The following S1PR3 variants were observed in gnomAD, a reference collection of about 807,000 sequenced individuals.
S1PR3 encodes sphingosine-1-phosphate receptor 3.
A neutral mutation model predicts 13.3 loss-of-function variants in S1PR3; 12 were observed. The ratio of observed to expected loss-of-function variants is 0.90; its 90% CI spans 0.58 to 1.46. The LOEUF (loss-of-function observed/expected upper bound fraction) is 1.46. Among genes scored for constraint, S1PR3 ranks in the 40% most tolerant of loss-of-function variants. The pLI is 0.00. For synonymous variants in S1PR3, 232 were observed against 214.0 expected, an observed-to-expected ratio of 1.08 and a Z score of -0.73; for missense variants, 450 against 501.9, an observed-to-expected ratio of 0.90 and a Z score of 0.99.
chr9:89,001,394 G>C lies in S1PR3; in HGVS notation c.194G>C (p.Trp65Ser). 6.2e-7 allele frequency: 1 copy of C among 1,614,190 alleles called. No homozygotes were observed. The highest frequency in any genetic ancestry group is 8.5e-7 in the Non-Finnish European group (1 of 1,180,042). ...AACCTGATGGTTTTGATTGCCATCT[G>C]GAAAAACAATAAATTTCACAACCGC... ...LENLMVLIAI[W>S]KNNKFHNRMY... is the part of the protein sequence containing the mutation. The change falls in exon 2 of 2, where the codon TGG (tryptophan) becomes TCG (serine). Residue 65 changes from tryptophan (W) to serine (S), a missense_variant. Coordinates refer to ENST00000358157, the MANE Select transcript of S1PR3 (RefSeq NM_005226.4).
Position 88,991,867 on chromosome 9 carries a change from A to T in S1PR3, c.-148+172A>T, listed in dbSNP as rs571834525. Reference sequence around the variant, plus strand: ...CCTCCCCCAGAGCCGCTGCAGGAACAGGGAGGAGGCCTTTTCCACCGCACC... The same window carrying T: ...CCTCCCCCAGAGCCGCTGCAGGAACTGGGAGGAGGCCTTTTCCACCGCACC... On this transcript the variant is annotated intron_variant, in intron 1 of 1. Transcript: ENST00000358157. The surrounding 1 kb of genome is among the most constrained non-coding windows in gnomAD (Gnocchi z 4.0). The T allele has an allele frequency of 6.2e-7, 1 of 1,614,122 alleles. No homozygotes were observed. Among genetic ancestry groups the T allele is most frequent in the East Asian group, 2.2e-5 (1 of 44,864 alleles).
In S1PR3 at chr9:89,002,187, GC is replaced by G; in HGVS notation, c.989del (p.Pro330LeufsTer77). On this transcript the variant is annotated frameshift_variant, in exon 2 of 2. Coordinates refer to ENST00000358157, the MANE Select transcript of S1PR3 (RefSeq NM_005226.4). LOFTEE classifies it low-confidence loss of function (END_TRUNC). ...GRGARASPIQPALDPSRSKSS... is the reference protein window; with the variant it reads ...GRGARASPIQXALDPSRSKSS... The stretch of plus-strand genomic sequence containing the variant: ...GGGGGGCCCGCGCCTCACCCATCCA[GC>G]CTGCGCTCGACCCAAGCAGAAGTAA... The G allele has an allele frequency of 6.2e-7, 1 of 1,613,960 alleles. No individual in the cohort carries two copies. Among genetic ancestry groups the G allele is most frequent in the Non-Finnish European group, 8.5e-7 (1 of 1,180,024 alleles).
At position 89,001,290 on chromosome 9, in the gene S1PR3, C is replaced by A; in HGVS notation, c.90C>A (p.Gly30=). The change falls in exon 2 of 2, where the codon GGC becomes GGA. Residue 30 remains glycine (G), a synonymous_variant. Transcript: ENST00000358157. ...ACCAGTACGTGGGGAAGTTGGCGGG[C>A]AGGCTGAAGGAGGCCTCCGAGGGCA... ...EHYQYVGKLA[G]RLKEASEGST... The A allele has an allele frequency of 6.2e-7, 1 of 1,614,160 alleles. No homozygotes were observed. Among genetic ancestry groups the A allele is most frequent in the Non-Finnish European group, 8.5e-7 (1 of 1,180,040 alleles).
At position 89,004,021 on chromosome 9, in the gene S1PR3, A is replaced by C. The variant is rs947667204; in HGVS notation, c.*1684A>C. ...TTCTGTTGCCTTCTTGACATCAATGAAAAGTAGCATATTCTCTTATGAAAT... is the reference window on the plus strand; with the variant it reads ...TTCTGTTGCCTTCTTGACATCAATGCAAAGTAGCATATTCTCTTATGAAAT... On this transcript the variant is annotated 3_prime_UTR_variant, in exon 2 of 2. Coordinates refer to ENST00000358157, the MANE Select transcript of S1PR3 (RefSeq NM_005226.4). The C allele has an allele frequency of 6.0e-6, 1 of 167,080 alleles. No individual in the cohort carries two copies. Among genetic ancestry groups the C allele is most frequent in the African/African-American group, 2.4e-5 (1 of 41,446 alleles). 10.3% of individuals were successfully genotyped at this position (167,080 alleles called of 1,614,324 possible).
upstream of S1PR3, chr9:88,991,249 C>T (rs1367678852): frequency 2.0e-6 from 3 of 1,500,150 alleles, no homozygotes; most frequent in South Asian, 1.2e-5. This position sits in a 1 kb window ranked among gnomAD's most constrained non-coding sequence, Gnocchi z 4.0. Context: ...TTGGTAGGGT[C>T]GGGGAGAAGG....
At chr9:88,991,389 G>A, upstream of S1PR3, 1 of 1,428,348 alleles carries the variant, frequency 7.0e-7, no homozygotes, top group Non-Finnish European at 9.5e-7. The surrounding 1 kb of genome is among the most constrained non-coding windows in gnomAD (Gnocchi z 4.0). Context: ...CGGGAGTCGG[G>A]GGCGGCGAGG....
intron 1 of S1PR3, chr9:88,995,034 C>G (rs182430974): frequency 9.0e-5 from 15 of 167,186 alleles, no homozygotes; most frequent in Non-Finnish European, 1.9e-4. Flanking sequence ...TTTGCTGGAG[C>G]CTTGTAACGG....
At chr9:88,998,476 AAAAAC>A (rs1311901142) in intron 1 of S1PR3, 6 of 152,514 alleles carry the variant, frequency 3.9e-5, no homozygotes, top group Non-Finnish European at 4.4e-5. Flanking sequence ...ACTCCATCCC[AAAAAC>A]AAAACAAAAC....
chr9:88,997,385 A>G (rs1239528898), intron 1 of S1PR3: 1 of 152,046 alleles, frequency 6.6e-6, no homozygotes, highest in Non-Finnish European at 1.5e-5. Context: ...TCTTCTCTCC[A>G]TTCCCGGGAG....
At chr9:88,996,564 G>A (rs1010859026) in intron 1 of S1PR3, 1 of 152,292 alleles carries the variant, frequency 6.6e-6, no homozygotes, top group Non-Finnish European at 1.5e-5. Context: ...TTCACGTGAA[G>A]GTCAGAAGCA....
intron 1 of S1PR3, chr9:88,996,139 C>CT (rs1306992062): frequency 6.3e-6 from 1 of 157,562 alleles, no homozygotes; most frequent in East Asian, 1.9e-4. Flanking sequence ...AGAGTGAACA[C>CT]TAATACTGCA....
chr9:88,995,924 GA>G (rs1825798411), intron 1 of S1PR3: 1 of 167,070 alleles, frequency 6.0e-6, no homozygotes, highest in Non-Finnish European at 1.5e-5. Context: ...CGCTAATGAG[GA>G]GGAGCGTCTC....
At position 89,001,701 on chromosome 9, in the gene S1PR3, G is replaced by A. The variant is rs1167169013; in HGVS notation, c.501G>A (p.Thr167=). The part of the protein sequence containing the change: ...LIGMCWLIAF[T]LGALPILGWN... ...GGATGTGCTGGCTCATTGCCTTCAC[G>A]CTGGGCGCCCTGCCCATTCTGGGCT... is the stretch of plus-strand genomic sequence containing the variant. Residue 167 remains threonine (T), a synonymous_variant, in exon 2 of 2, where the codon ACG becomes ACA. Transcript: ENST00000358157. 3 of 1,614,152 alleles carry A rather than the reference G, an allele frequency of 1.9e-6. No individual in the cohort carries two copies. Among genetic ancestry groups the A allele is most frequent in the Non-Finnish European group, 2.5e-6 (3 of 1,180,040 alleles).
chr9:89,001,945 G>A lies in S1PR3; in HGVS notation c.745G>A (p.Val249Met), dbSNP rs1256635731. 10 of 1,614,182 alleles carry A rather than the reference G, an allele frequency of 6.2e-6. No homozygotes were observed. In the South Asian group the frequency reaches 1.1e-4, roughly 18 times the overall value. The change falls in exon 2 of 2, where the codon GTG becomes ATG. Residue 249 changes from valine (V) to methionine (M), a missense_variant. Transcript: ENST00000358157. ...MALLRTVVIV[V>M]SVFIACWSPL... ...ACTGCTGCGGACCGTGGTGATTGTGGTGAGCGTGTTCATCGCCTGCTGGTC... is the reference window on the plus strand; with the variant it reads ...ACTGCTGCGGACCGTGGTGATTGTGATGAGCGTGTTCATCGCCTGCTGGTC...
chr9:88,991,361 G>A (rs1412141344), upstream of S1PR3: 1 of 1,207,826 alleles, frequency 8.3e-7, no homozygotes, highest in Non-Finnish European at 1.2e-6. The surrounding 1 kb of genome is among the most constrained non-coding windows in gnomAD (Gnocchi z 4.0). Flanking sequence ...GACGGGGAGA[G>A]GGGGGCGGGG....
intron 1 of S1PR3, chr9:88,995,412 T>C (rs1825789462): frequency 6.0e-6 from 1 of 167,094 alleles, no homozygotes; most frequent in African/African-American, 2.4e-5. Flanking sequence ...ACATCTGGAA[T>C]CCATCCGGCC....
Position 89,002,475 on chromosome 9 carries a change from C to G in S1PR3, c.*138C>G. 9.5e-7 allele frequency: 1 copy of G among 1,049,278 alleles called. No individual in the cohort carries two copies. The highest frequency in any genetic ancestry group is 2.6e-5 in the East Asian group (1 of 38,280). The allele number at this position is 1,049,278 out of a possible 1,614,324, so 65.0% of individuals were successfully genotyped here. On this transcript the variant is annotated 3_prime_UTR_variant, in exon 2 of 2. Transcript: ENST00000358157. ...GCCTGCCCAGTGTGGATGTCTCTTA[C>G]AGAGGGGGCCCAAGGAATCACCACC...
rs980267215 is a variant in S1PR3 at position 88,991,670 on chromosome 9, G to A, written c.-173G>A. The A allele has an allele frequency of 6.6e-7, 1 of 1,516,364 alleles. No individual in the cohort carries two copies. The highest frequency in any genetic ancestry group is 8.8e-7 in the Non-Finnish European group (1 of 1,134,262). The allele number at this position is 1,516,364 out of a possible 1,614,324, so 93.9% of individuals were successfully genotyped here. A position where few individuals can be genotyped will look rare whatever the true frequency, so the allele number is the denominator to read the frequency against. Reference sequence around the variant, plus strand: ...GCGCGCCACCCGCTAGGATGCCGGTGGCCCCAGCGCCCTCAGCCGACGGAG... The same window carrying A: ...GCGCGCCACCCGCTAGGATGCCGGTAGCCCCAGCGCCCTCAGCCGACGGAG... On this transcript the variant is annotated 5_prime_UTR_variant, in exon 1 of 2. Coordinates refer to ENST00000358157, the MANE Select transcript of S1PR3 (RefSeq NM_005226.4). The surrounding 1 kb of genome is among the most constrained non-coding windows in gnomAD (Gnocchi z 4.0).
At chr9:88,991,344 G>A, upstream of S1PR3, 5 of 1,343,968 alleles carry the variant, frequency 3.7e-6, no homozygotes, top group Non-Finnish European at 5.0e-6. The surrounding 1 kb of genome is among the most constrained non-coding windows in gnomAD (Gnocchi z 4.0). Context: ...CGGGTTCGCG[G>A]GCGGGGGACG....
Sources: gnomAD v4.1 joint callset for allele counts on GRCh38, gnomAD v4.1.1 for gene constraint, Gnocchi (gnomAD v3.1) non-coding constraint, MANE v1.5 for transcripts, NCBI Gene and HGNC (gene_info 2026-07-23, HGNC 2026-07-21) for gene names.